The following COBL variants were observed in gnomAD, a reference collection of about 807,000 sequenced individuals.
The protein encoded by COBL is protein cordon-bleu.
In COBL, 51 loss-of-function variants were observed where a neutral mutation model predicts 98.8. The observed-to-expected ratio is 0.52, with a 90% CI of 0.41 to 0.65. COBL has a LOEUF of 0.65. COBL is among the 30% of genes least tolerant of loss of function. The probability of loss-of-function intolerance (pLI) is 0.00; values close to 1 mark genes in which losing one functional copy is unlikely to be tolerated. For missense variants in COBL, 1,617 were observed against 1,617.5 expected (o/e 1.00, Z 0.01); for synonymous variants, 634 against 651.7 (o/e 0.97, Z 0.41).
chr7:51,279,911 A>G (rs1041204484), intron 1 of COBL, among the ~76,000 whole-genome samples: 4 of 152,180 alleles, frequency 2.6e-5, no homozygotes, highest in Non-Finnish European at 4.4e-5. Context: ...ACATGTATTT[A>G]AGGTTTTTCC....
At chr7:51,102,424 CAG>C (rs1252120578) in intron 6 of COBL, among the ~76,000 whole-genome samples, 3 of 152,154 alleles carry the variant, frequency 2.0e-5, no homozygotes, top group Non-Finnish European at 4.4e-5. Flanking sequence ...TTAAAGAGGA[CAG>C]ATAAGAACTC....
rs1421441238 is a variant in COBL at position 51,167,619 on chromosome 7, A to T, written c.783+16483T>A. Among the ~76,000 whole-genome samples the T allele has an allele frequency of 3.3e-5, 5 of 152,312 alleles. No individual in the cohort carries two copies. The East Asian group carries it at 7.7e-4, about 23-fold the overall frequency. ...AACTATAAAAGAGCGAGAATAGTCAAAGCTATCCTAAGCAAAAATAACAAA... is the reference window on the plus strand; with the variant it reads ...AACTATAAAAGAGCGAGAATAGTCATAGCTATCCTAAGCAAAAATAACAAA... On this transcript the variant is annotated intron_variant, in intron 5 of 12. Coordinates refer to ENST00000265136, the MANE Select transcript of COBL (RefSeq NM_015198.5).
intron 7 of COBL, among the ~76,000 whole-genome samples, chr7:51,047,924 T>TG (rs1411886570): frequency 2.0e-5 from 3 of 152,140 alleles, no homozygotes; most frequent in Non-Finnish European, 4.4e-5. Context: ...CCCAGCACGT[T>TG]GGGAGGCTGA....
chr7:51,128,784 G>A (rs1195983403), intron 6 of COBL, among the ~76,000 whole-genome samples: 1 of 152,254 alleles, frequency 6.6e-6, no homozygotes, highest in African/African-American at 2.4e-5. Flanking sequence ...CCTCCTAAGG[G>A]CGGGTGGGCA....
At chr7:51,311,249 C>T (rs1803007094) in intron 1 of COBL, among the ~76,000 whole-genome samples, 2 of 152,222 alleles carry the variant, frequency 1.3e-5, no homozygotes, top group Non-Finnish European at 2.9e-5. Context: ...CAGGGAGCAG[C>T]TCGCCACCTG....
At chr7:51,064,985 G>T (rs945646535) in intron 7 of COBL, 1 of 601,572 alleles carries the variant, frequency 1.7e-6, no homozygotes, top group African/African-American at 1.9e-5. Flanking sequence ...AGAAACCAGG[G>T]ACAATATGGC....
rs967476079 is a variant in COBL at position 51,316,649 on chromosome 7, G to C, written c.-16C>G. ...GCGCGTCCATGGTGCCGGGGGCCGG[G>C]ACGCGGGCGGTGCTCCGGGCCCGCC... On this transcript the variant is annotated 5_prime_UTR_variant, in exon 1 of 13. Transcript: ENST00000265136. 44 of 1,194,780 alleles carry C rather than the reference G, an allele frequency of 3.7e-5. No homozygotes were observed. The highest frequency in any genetic ancestry group is 4.5e-5 in the Non-Finnish European group (43 of 964,026). 74.0% of individuals were successfully genotyped at this position (1,194,780 alleles called of 1,614,324 possible). A position where few individuals can be genotyped will look rare whatever the true frequency, so the allele number is the denominator to read the frequency against.
At chr7:51,151,732 C>T (rs1240652318) in intron 5 of COBL, among the ~76,000 whole-genome samples, 4 of 152,210 alleles carry the variant, frequency 2.6e-5, no homozygotes, top group African/African-American at 9.6e-5. Flanking sequence ...GAAAAACAAT[C>T]ATACCAGCAA....
chr7:51,039,110 G>T lies in COBL; in HGVS notation c.1406+4273C>A, dbSNP rs200747909. On this transcript the variant is annotated intron_variant, in intron 8 of 12. Coordinates refer to ENST00000265136, the MANE Select transcript of COBL (RefSeq NM_015198.5). ...CCTCCTCTTGATCAAGGTGGTGTTGGGTATATGTTTCAGGGGCACAATGAA... is the reference window on the plus strand; with the variant it reads ...CCTCCTCTTGATCAAGGTGGTGTTGTGTATATGTTTCAGGGGCACAATGAA... Among the ~76,000 whole-genome samples, 22 of 152,240 alleles carry T rather than the reference G, an allele frequency of 1.4e-4. No individual in the cohort carries two copies. The South Asian group carries it at 1.7e-3, about 11-fold the overall frequency.
chr7:51,028,403 C>A lies in COBL; in HGVS notation c.2693G>T (p.Gly898Val). 6.2e-7 allele frequency: 1 copy of A among 1,614,256 alleles called. No homozygotes were observed. The highest frequency in any genetic ancestry group is 8.5e-7 in the Non-Finnish European group (1 of 1,180,040). The change falls in exon 10 of 13, where the codon GGC (glycine) becomes GTC (valine). Residue 898 changes from glycine to valine, a missense_variant. Coordinates refer to ENST00000265136, the MANE Select transcript of COBL (RefSeq NM_015198.5). Reference sequence around the variant, plus strand: ...TGGTGCAGCCAGCACTGGCGCCTTGCCTGCATAACCCTTCTCGGCATAACC... The same window carrying A: ...TGGTGCAGCCAGCACTGGCGCCTTGACTGCATAACCCTTCTCGGCATAACC... ...PHGYAEKGYA[G>V]KAPVLAAPPV...
chr7:51,291,654 G>A (rs1465065535), intron 1 of COBL, among the ~76,000 whole-genome samples: 3 of 151,958 alleles, frequency 2.0e-5, no homozygotes, highest in African/African-American at 4.8e-5. Context: ...CCAGCTACTC[G>A]GGTGGCTGAG....
intron 1 of COBL, among the ~76,000 whole-genome samples, chr7:51,291,338 A>C (rs1229248244): frequency 1.3e-5 from 2 of 152,220 alleles, no homozygotes; most frequent in Non-Finnish European, 2.9e-5. Flanking sequence ...GAGTCCTAGC[A>C]CAAGGATCAT....
At position 51,108,310 on chromosome 7, in the gene COBL, G is replaced by A. The variant is rs529637819; in HGVS notation, c.958-23006C>T. Among the ~76,000 whole-genome samples, 20 of 112,874 alleles carry A rather than the reference G, an allele frequency of 1.8e-4. No homozygotes were observed. In the East Asian group the frequency reaches 5.6e-3, roughly 32 times the overall value. The allele number at this position is 112,874 out of a possible 152,430, so 74.0% of individuals were successfully genotyped here. A position where few individuals can be genotyped will look rare whatever the true frequency, so the allele number is the denominator to read the frequency against. ...GCTTCTTTTGCTCTGAGGCTCATCCGCTGCTGTGTGGCTCGTTGCTGTGCA... is the reference window on the plus strand; with the variant it reads ...GCTTCTTTTGCTCTGAGGCTCATCCACTGCTGTGTGGCTCGTTGCTGTGCA... On this transcript the variant is annotated intron_variant, in intron 6 of 12. Transcript: ENST00000265136.
intron 1 of COBL, among the ~76,000 whole-genome samples, chr7:51,279,590 C>A (rs1799624550): frequency 6.6e-6 from 1 of 152,206 alleles, no homozygotes; most frequent in South Asian, 2.1e-4. Context: ...CCCCACCAGA[C>A]TGGAACATCT....
At chr7:51,083,302 T>G in intron 7 of COBL, 1 of 1,171,918 alleles carries the variant, frequency 8.5e-7, no homozygotes, top group Non-Finnish European at 1.2e-6. Flanking sequence ...AAATCCAACC[T>G]CACTGGGCAC....
intron 5 of COBL, among the ~76,000 whole-genome samples, chr7:51,154,817 A>G (rs1381276545): frequency 3.3e-5 from 5 of 152,200 alleles, no homozygotes; most frequent in East Asian, 1.9e-4. Context: ...AGCATTCACC[A>G]TTTTCCTTTT....
chr7:51,017,187 A>G lies in COBL; in HGVS notation c.*364T>C. ...TCCATCTGTATGTGGTAAAAGTCTC[A>G]AAGGTCCAAAATCAGTCTAAGGCAT... On this transcript the variant is annotated 3_prime_UTR_variant, in exon 13 of 13. Transcript: ENST00000265136. 2.0e-6 allele frequency: 1 copy of G among 487,886 alleles called. No individual in the cohort carries two copies. Among genetic ancestry groups the G allele is most frequent in the East Asian group, 3.1e-5 (1 of 32,030 alleles). The allele number at this position is 487,886 out of a possible 1,614,324, so 30.2% of individuals were successfully genotyped here.
intron 1 of COBL, among the ~76,000 whole-genome samples, chr7:51,240,758 G>A (rs1474043659): frequency 6.6e-6 from 1 of 152,070 alleles, no homozygotes; most frequent in Non-Finnish European, 1.5e-5. Context: ...GGCCAGGCTG[G>A]TCTTGAACTC....
Position 51,100,921 on chromosome 7 carries a change from A to C in COBL, c.958-15617T>G, listed in dbSNP as rs533188176. Among the ~76,000 whole-genome samples the C allele has an allele frequency of 7.4e-3, 1,108 of 149,488 alleles. 7 individuals carry two copies. Among genetic ancestry groups the C allele is most frequent in the Middle Eastern group, 0.037 (11 of 294 alleles). On this transcript the variant is annotated intron_variant, in intron 6 of 12. Transcript: ENST00000265136. The stretch of plus-strand genomic sequence containing the variant: ...CCGTCTTCAATAAGAAACAAAAAAA[A>C]AACAACAACAAAAAAAAACGCAGCA...
Sources: allele counts gnomAD v4.1 joint callset (sites outside exome capture counted in the v4.1 genomes callset), GRCh38; gene constraint gnomAD v4.1.1; transcripts MANE v1.5; gene names NCBI Gene and HGNC (gene_info 2026-07-23, HGNC 2026-07-21).